The following CCDC158 variants were observed in gnomAD, a reference collection of about 807,000 sequenced individuals.
CCDC158 encodes coiled-coil domain containing 158, also known as coiled-coil domain-containing protein 158.
CCDC158 carries 116 observed loss-of-function variants against 138.6 expected under a neutral mutation model. The ratio of observed to expected loss-of-function variants is 0.84; its 90% CI spans 0.72 to 0.98. CCDC158 has a LOEUF of 0.98. Among genes scored for constraint, CCDC158 ranks in the 50% least tolerant of loss-of-function variants. CCDC158 has a pLI of 0.00. For synonymous variants in CCDC158, 436 were observed against 442.4 expected, an observed-to-expected ratio of 0.99 and a Z score of 0.18; for missense variants, 1,265 against 1,306.1, an observed-to-expected ratio of 0.97 and a Z score of 0.48.
At chr4:76,372,937 C>T (rs921138863) in intron 9 of CCDC158, among the ~76,000 whole-genome samples, 9 of 152,204 alleles carry the variant, frequency 5.9e-5, no homozygotes, top group African/African-American at 2.2e-4. Context: ...CAACCTCCGC[C>T]TCCTGGGTTC....
chr4:76,419,184 G>A (rs1195487530), intron 1 of CCDC158, among the ~76,000 whole-genome samples: 1 of 152,078 alleles, frequency 6.6e-6, no homozygotes, highest in African/African-American at 2.4e-5. Flanking sequence ...TTAAATGCCA[G>A]ACTACCTCCT....
chr4:76,403,469 A>G (rs1031270967), intron 2 of CCDC158, among the ~76,000 whole-genome samples, 189 bp from the exon 3 acceptor site: 4 of 152,234 alleles, frequency 2.6e-5, no homozygotes, highest in Admixed American at 2.0e-4. Flanking sequence ...GGTGAAAATT[A>G]TTGATTTTAA....
intron 9 of CCDC158, among the ~76,000 whole-genome samples, chr4:76,374,336 A>C (rs976764839): frequency 6.6e-6 from 1 of 152,258 alleles, no homozygotes; most frequent in African/African-American, 2.4e-5. Flanking sequence ...AAATCAGTAC[A>C]CACTTAGTAA....
At chr4:76,339,511 A>G (rs1721854274) in intron 18 of CCDC158, among the ~76,000 whole-genome samples, 1 of 152,254 alleles carries the variant, frequency 6.6e-6, no homozygotes, top group Non-Finnish European at 1.5e-5. Context: ...GTTAACAACA[A>G]GGCAACAATG....
intron 3 of CCDC158, among the ~76,000 whole-genome samples, chr4:76,402,759 A>G (rs1182382701): frequency 6.6e-6 from 1 of 152,206 alleles, no homozygotes; most frequent in Non-Finnish European, 1.5e-5. Context: ...TTTCAAAGGT[A>G]AAATCAGCAG....
chr4:76,328,381 A>G (rs1720714848), intron 22 of CCDC158, among the ~76,000 whole-genome samples: 1 of 152,236 alleles, frequency 6.6e-6, no homozygotes, highest in Non-Finnish European at 1.5e-5. Flanking sequence ...GTATGTGAGA[A>G]GATGCTAAGA....
At chr4:76,404,090 G>A (rs569988027) in intron 2 of CCDC158, among the ~76,000 whole-genome samples, 25 of 152,046 alleles carry the variant, frequency 1.6e-4, no homozygotes, top group Non-Finnish European at 3.4e-4. Flanking sequence ...ATGAGATACA[G>A]AGAGAAAAAA....
intron 13 of CCDC158, among the ~76,000 whole-genome samples, chr4:76,359,078 G>C (rs1723864398): frequency 6.6e-6 from 1 of 151,730 alleles, no homozygotes; most frequent in Non-Finnish European, 1.5e-5. Context: ...TTGTTTGAAA[G>C]TGTGTAGCAC....
At position 76,351,100 on chromosome 4, in the gene CCDC158, T is replaced by C. The variant is rs1578940039; in HGVS notation, c.2560A>G (p.Thr854Ala). Reference sequence around the variant, plus strand: ...CGTGGTTTCAATGAAGAATTTGAGGTGTATCCAGGGCCCTGAAGTTCCTGG... The same window carrying C: ...CGTGGTTTCAATGAAGAATTTGAGGCGTATCCAGGGCCCTGAAGTTCCTGG... ...DIKELQGPGY[T>A]SNSSLKPRLL... The change falls in exon 18 of 25, where the codon ACC (threonine) becomes GCC (alanine). Residue 854 changes from threonine (T) to alanine (A), a missense_variant. Transcript: ENST00000682701. 3 of 1,613,528 alleles carry C rather than the reference T, an allele frequency of 1.9e-6. No homozygotes were observed. Among genetic ancestry groups the C allele is most frequent in the East Asian group, 4.5e-5 (2 of 44,866 alleles).
At chr4:76,328,542 T>C (rs1560788396) in intron 22 of CCDC158, among the ~76,000 whole-genome samples, 1 of 152,206 alleles carries the variant, frequency 6.6e-6, no homozygotes, top group Non-Finnish European at 1.5e-5. Context: ...CCTTGGCTTC[T>C]CAAAGTGCTG....
At chr4:76,315,347 A>G (rs1005549674) in intron 24 of CCDC158, among the ~76,000 whole-genome samples, 69 of 152,138 alleles carry the variant, frequency 4.5e-4, no homozygotes, top group African/African-American at 1.7e-3. Context: ...AGCTGATCAC[A>G]AAACACACAA....
At chr4:76,385,838 G>T (rs886409612) in intron 4 of CCDC158, among the ~76,000 whole-genome samples, 1 of 152,052 alleles carries the variant, frequency 6.6e-6, no homozygotes, top group Admixed American at 6.6e-5. Flanking sequence ...TGGCATTTCA[G>T]AGACAAAGAA....
chr4:76,316,920 A>AC (rs1719448588), intron 24 of CCDC158, among the ~76,000 whole-genome samples: 1 of 151,142 alleles, frequency 6.6e-6, no homozygotes, highest in Admixed American at 6.6e-5. Flanking sequence ...AAAAAAAAAA[A>AC]AAATGCTGAG....
At chr4:76,369,379 C>A in intron 11 of CCDC158, 47 bp downstream of exon 11, 1 of 1,575,574 alleles carries the variant, frequency 6.3e-7, no homozygotes, top group Non-Finnish European at 8.7e-7. Context: ...TATTTATTTC[C>A]CCAGAGGAGA....
rs772275545 is a variant in CCDC158 at position 76,351,043 on chromosome 4, G to A, written c.2617C>T (p.His873Tyr). The A allele has an allele frequency of 5.6e-6, 9 of 1,614,004 alleles. No individual in the cohort carries two copies. Among genetic ancestry groups the A allele is most frequent in the South Asian group, 2.2e-5 (2 of 91,078 alleles). The change falls in exon 18 of 25, where the codon CAT becomes TAT. Residue 873 changes from histidine to tyrosine, a missense_variant. Physicochemically the swap from His to Tyr is moderately conservative, Grantham distance 83. Coordinates refer to ENST00000682701, the MANE Select transcript of CCDC158 (RefSeq NM_001394954.1). The part of the protein sequence containing the change: ...LLQPASVTRS[H>Y]SNVPSSQSTA... ...GACTGCGAAGATGGTACATTAGAAT[G>A]AGAACGAGTAACAGATGCTGGCTGG...
intron 12 of CCDC158, among the ~76,000 whole-genome samples, chr4:76,364,233 T>C (rs1389809599): frequency 6.6e-6 from 1 of 152,156 alleles, no homozygotes. Context: ...TCATACCCAA[T>C]TGTTGATCAA....
intron 7 of CCDC158, 87 bp downstream of exon 7, chr4:76,383,575 T>C: frequency 1.1e-6 from 1 of 882,642 alleles, no homozygotes; most frequent in Non-Finnish European, 1.9e-6. Flanking sequence ...GTTTCAGAGC[T>C]GTTTAGATTT....
chr4:76,378,340 AG>A (rs1335569715), intron 9 of CCDC158, among the ~76,000 whole-genome samples: 6 of 152,228 alleles, frequency 3.9e-5, no homozygotes, highest in Admixed American at 3.9e-4. Flanking sequence ...GGAGTATGGC[AG>A]CTTCCTTATA....
chr4:76,416,989 T>C lies in CCDC158; in HGVS notation c.-117+3976A>G, dbSNP rs139789906. Among the ~76,000 whole-genome samples, 712 of 152,254 alleles carry C rather than the reference T, an allele frequency of 4.7e-3. 6 individuals are homozygous for C. The highest frequency in any genetic ancestry group is 0.015 in the African/African-American group (621 of 41,534). The stretch of plus-strand genomic sequence containing the variant: ...TGGTAGATCCACCAACACCTTGCAC[T>C]GTGCACCTGAAAAGCTGCAGACACT... On this transcript the variant is annotated intron_variant, in intron 1 of 24. Coordinates refer to ENST00000682701, the MANE Select transcript of CCDC158 (RefSeq NM_001394954.1).
Sources: gnomAD v4.1 joint callset for allele counts (sites outside exome capture counted in the v4.1 genomes callset) on GRCh38, gnomAD v4.1.1 for gene constraint, MANE v1.5 for transcripts, NCBI Gene and HGNC (gene_info 2026-07-23, HGNC 2026-07-21) for gene names.